The following KCNIP3 variants were observed in gnomAD, a reference collection of about 807,000 sequenced individuals.
The protein encoded by KCNIP3 is potassium voltage-gated channel interacting protein 3.
Under a neutral mutation model 35.0 loss-of-function variants are expected in KCNIP3, and 28 were observed. The ratio of observed to expected loss-of-function variants is 0.80; its 90% CI spans 0.59 to 1.10. The LOEUF (loss-of-function observed/expected upper bound fraction) is 1.10. KCNIP3 is among the 50% of genes least tolerant of loss of function. The probability of loss-of-function intolerance (pLI) is 0.00; values close to 1 mark genes in which losing one functional copy is unlikely to be tolerated. For synonymous variants in KCNIP3, 134 were observed against 133.8 expected (o/e 1.00, Z -0.01); for missense variants, 295 against 338.4 (o/e 0.87, Z 1.01).
rs1678255227 is a variant in KCNIP3 at position 95,309,316 on chromosome 2, T to G, written c.16-1039T>G. On this transcript the variant is annotated intron_variant, in intron 1 of 8. Coordinates refer to ENST00000295225, the MANE Select transcript of KCNIP3 (RefSeq NM_013434.5). ...TGGTGGGCAGTTTGGATGTCAGGAT[T>G]GGGGGGCCTGAAATACGTTGTAGGA... is the stretch of plus-strand genomic sequence containing the variant. Among the ~76,000 whole-genome samples the G allele has an allele frequency of 2.0e-5, 3 of 151,922 alleles. No individual in the cohort carries two copies. The South Asian group carries it at 6.2e-4, about 32-fold the overall frequency.
chr2:95,333,430 C>T (rs556010021), intron 2 of KCNIP3, among the ~76,000 whole-genome samples: 51 of 152,324 alleles, frequency 3.3e-4, no homozygotes, highest in African/African-American at 9.4e-4. Flanking sequence ...ACTACTGCTG[C>T]GGGAAACAGA....
At chr2:95,350,181 A>G (rs142140277) in intron 2 of KCNIP3, among the ~76,000 whole-genome samples, 4 of 151,978 alleles carry the variant, frequency 2.6e-5, no homozygotes, top group African/African-American at 9.7e-5. Context: ...AGCATTCCTG[A>G]TGTGCTGGTG....
intron 2 of KCNIP3, among the ~76,000 whole-genome samples, chr2:95,351,547 G>A (rs1436265274): frequency 6.6e-6 from 1 of 152,360 alleles, no homozygotes; most frequent in East Asian, 1.9e-4. Flanking sequence ...GCCTGGGGCG[G>A]GGTGCAGGTT....
At chr2:95,355,345 T>A (rs1197408881) in intron 2 of KCNIP3, 7 of 152,238 alleles carry the variant, frequency 4.6e-5, no homozygotes, top group East Asian at 3.8e-4. Flanking sequence ...CTTTCTTTTT[T>A]AATTATTATT....
chr2:95,324,782 G>A (rs1030698364), intron 2 of KCNIP3, among the ~76,000 whole-genome samples: 15 of 151,508 alleles, frequency 9.9e-5, no homozygotes, highest in African/African-American at 2.9e-4. Context: ...GTAGTGGCGG[G>A]CGCCTGTAGT....
chr2:95,304,620 T>C (rs1678125499), intron 1 of KCNIP3, among the ~76,000 whole-genome samples: 1 of 152,180 alleles, frequency 6.6e-6, no homozygotes, highest in Non-Finnish European at 1.5e-5. Flanking sequence ...CCTGGCAAGC[T>C]GCATGAGAAC....
chr2:95,366,323 C>T (rs1348351631), intron 2 of KCNIP3, among the ~76,000 whole-genome samples: 2 of 152,182 alleles, frequency 1.3e-5, no homozygotes, highest in South Asian at 4.1e-4. Flanking sequence ...AGTCTGGACT[C>T]TTTCACGTCA....
At chr2:95,353,703 G>A (rs1413819956) in intron 2 of KCNIP3, among the ~76,000 whole-genome samples, 2 of 152,138 alleles carry the variant, frequency 1.3e-5, no homozygotes, top group Non-Finnish European at 2.9e-5. Flanking sequence ...GCAGGCGGGC[G>A]AGCCTGGGTG....
At chr2:95,303,133 G>A (rs1215283427) in intron 1 of KCNIP3, 6 of 152,148 alleles carry the variant, frequency 3.9e-5, no homozygotes, top group African/African-American at 7.2e-5. Context: ...CTAGCGGCTC[G>A]AGGGTTTCAC....
rs573636717 is a variant in KCNIP3 at position 95,368,296 on chromosome 2, A to G, written c.182-6000A>G. ...GCCAGGTAGTTTTCTATGCCTTCTC[A>G]TAGTAGCAAACAGCAACTATGTCAC... On this transcript the variant is annotated intron_variant, in intron 2 of 8. Coordinates refer to ENST00000295225, the MANE Select transcript of KCNIP3 (RefSeq NM_013434.5). 9.8e-5 allele frequency among the ~76,000 whole-genome samples: 15 copies of G among 152,292 alleles called. 1 individual carries two copies. The South Asian group carries it at 3.1e-3, about 32-fold the overall frequency.
intron 1 of KCNIP3, among the ~76,000 whole-genome samples, chr2:95,297,813 C>T (rs190312071): frequency 9.3e-4 from 142 of 152,232 alleles, no homozygotes; most frequent in East Asian, 8.3e-3. Flanking sequence ...CAGTTAGGTC[C>T]CTGGGTCAGG....
chr2:95,329,953 C>T (rs1463014657), intron 2 of KCNIP3, among the ~76,000 whole-genome samples: 5 of 152,258 alleles, frequency 3.3e-5, no homozygotes, highest in African/African-American at 4.8e-5. Context: ...GTCCCCCTCT[C>T]GTCCCCTCTG....
intron 2 of KCNIP3, among the ~76,000 whole-genome samples, chr2:95,373,468 G>C (rs1680089613): frequency 8.0e-6 from 1 of 124,970 alleles, no homozygotes; most frequent in African/African-American, 3.0e-5. Flanking sequence ...TGTCACCCAG[G>C]CTGGAGTTCA....
chr2:95,350,268 C>T (rs1454041314), intron 2 of KCNIP3, among the ~76,000 whole-genome samples: 1 of 152,152 alleles, frequency 6.6e-6, no homozygotes, highest in Non-Finnish European at 1.5e-5. Context: ...CTCCCTTACA[C>T]ACTTGATTTT....
At chr2:95,380,897 C>T (rs1205329934) in intron 5 of KCNIP3, among the ~76,000 whole-genome samples, 1 of 152,150 alleles carries the variant, frequency 6.6e-6, no homozygotes. Context: ...CGAGTGGTCC[C>T]AGCTACTCAG....
chr2:95,349,565 A>G (rs1679460137), intron 2 of KCNIP3, among the ~76,000 whole-genome samples: 1 of 152,148 alleles, frequency 6.6e-6, no homozygotes, highest in Non-Finnish European at 1.5e-5. Context: ...CTGAGCAGTA[A>G]TGGAGCAGGA....
chr2:95,357,135 T>C (rs1217228456), intron 2 of KCNIP3, among the ~76,000 whole-genome samples: 1 of 152,188 alleles, frequency 6.6e-6, no homozygotes, highest in Non-Finnish European at 1.5e-5. Flanking sequence ...GTCACATACC[T>C]AGACACAGGT....
chr2:95,339,249 G>A (rs1365668735), intron 2 of KCNIP3, among the ~76,000 whole-genome samples: 1 of 152,160 alleles, frequency 6.6e-6, no homozygotes, highest in Non-Finnish European at 1.5e-5. Context: ...AGCCACAAGG[G>A]GAGCCAGGCC....
chr2:95,317,095 C>A (rs572222945), intron 2 of KCNIP3, among the ~76,000 whole-genome samples: 47 of 152,236 alleles, frequency 3.1e-4, no homozygotes, highest in Non-Finnish European at 5.7e-4. Context: ...GGATAGAGGT[C>A]AGAGGTCAAG....
Sources: gnomAD v4.1 joint callset for allele counts (sites outside exome capture counted in the v4.1 genomes callset) on GRCh38, gnomAD v4.1.1 for gene constraint, MANE v1.5 for transcripts, NCBI Gene and HGNC (gene_info 2026-07-23, HGNC 2026-07-21) for gene names.